Variants in VPS28 observed in about 807,000 individuals in gnomAD.
VPS28 encodes VPS28 subunit of ESCRT-I.
In VPS28, 29 loss-of-function variants were observed where a neutral mutation model predicts 33.7. That is an observed-to-expected ratio of 0.86 (90% confidence interval 0.64 to 1.17). The LOEUF (loss-of-function observed/expected upper bound fraction) is 1.17. Among genes scored for constraint, VPS28 ranks in the 50% most tolerant of loss-of-function variants. The pLI, the probability that VPS28 is intolerant of heterozygous loss-of-function variation, is 0.00. For synonymous variants in VPS28, 164 were observed against 116.7 expected (o/e 1.40, Z -2.61); for missense variants, 247 against 312.2 (o/e 0.79, Z 1.57).
Position 144,424,254 on chromosome 8 carries a change from G to A in VPS28, c.417C>T (p.Val139=). The change falls in exon 8 of 10, where the codon GTC becomes GTT. Residue 139 remains valine (V), a synonymous_variant. Transcript: ENST00000292510. ...GGATCTCCAGACGCAGCTTGTCCAT[G>A]ACCGTGATGAAGAGCTGGGGGCAGG... ...IADVVSLFIT[V]MDKLRLEIRA... The A allele has an allele frequency of 2.5e-6, 4 of 1,605,390 alleles. No homozygotes were observed. The highest frequency in any genetic ancestry group is 1.1e-5 in the South Asian group (1 of 90,384).
chr8:144,426,518 A>G (rs1445748428), intron 2 of VPS28: 2 of 433,532 alleles, frequency 4.6e-6, no homozygotes, highest in African/African-American at 4.1e-5. Flanking sequence ...GGACCGCATG[A>G]CAGGCCCAGC....
rs1441036137 is a variant in VPS28, at chr8:144,425,733, T to C, written c.144A>G (p.Thr48=). The C allele has an allele frequency of 1.9e-6, 3 of 1,613,784 alleles. No homozygotes were observed. Among genetic ancestry groups the C allele is most frequent in the Non-Finnish European group, 2.5e-6 (3 of 1,179,920 alleles). The change falls in exon 5 of 10, where the codon ACA becomes ACG. Residue 48 remains threonine (T), a synonymous_variant. Transcript: ENST00000292510. Reference sequence around the variant, plus strand: ...TGTAGGCCTTCTCCAGGGCTTGCATTGTCTTCACCACCGCAAACAGCTCTG... The same window carrying C: ...TGTAGGCCTTCTCCAGGGCTTGCATCGTCTTCACCACCGCAAACAGCTCTG... ...NMAELFAVVK[T]MQALEKAYIK...
chr8:144,426,051 AC>A lies in VPS28; in HGVS notation c.78del (p.Leu26PhefsTer21). Reference protein sequence around the residue: ...NKPELYEEVKLYKNAREREKY... With the variant: ...NKPELYEEVKXYKNAREREKY... The stretch of plus-strand genomic sequence containing the variant: ...TTCTCCCTCTCCCGGGCGTTCTTGT[AC>A]AACTTCACTTCCTGCCGGAGAGAGC... On this transcript the variant is annotated frameshift_variant, in exon 4 of 10. Transcript: ENST00000292510. LOFTEE classifies it high-confidence loss of function. The A allele has an allele frequency of 6.5e-7, 1 of 1,539,074 alleles. No individual in the cohort carries two copies. The highest frequency in any genetic ancestry group is 8.8e-7 in the Non-Finnish European group (1 of 1,137,130).
In VPS28 at chr8:144,423,817, G is replaced by A. The variant is rs1317801785; in HGVS notation, c.654C>T (p.Phe218=). 1 of 1,613,142 alleles carries A rather than the reference G, an allele frequency of 6.2e-7. No homozygotes were observed. The change falls in exon 10 of 10, where the codon TTC becomes TTT. Residue 218 remains phenylalanine (F), a synonymous_variant. Coordinates refer to ENST00000292510, the MANE Select transcript of VPS28 (RefSeq NM_016208.4). Reference sequence around the variant, plus strand: ...TAGTGCCCCGGGCTCAGGCATGCAGGAAGCGGTTGAAGGCGTTGTAGGCTG... The same window carrying A: ...TAGTGCCCCGGGCTCAGGCATGCAGAAAGCGGTTGAAGGCGTTGTAGGCTG... ...LESAYNAFNR[F]LHA
intron 7 of VPS28, 110 bp downstream of exon 7, chr8:144,424,608 G>C: frequency 8.0e-7 from 1 of 1,243,248 alleles, no homozygotes; most frequent in South Asian, 1.3e-5. Context: ...CTTCTGCCCA[G>C]CAAGTCAGAG....
rs782584938 is a variant in VPS28, at chr8:144,424,257, C to G, written c.414G>C (p.Thr138=). Residue 138 remains threonine, a synonymous_variant, in exon 8 of 10, where the codon ACG becomes ACC. Transcript: ENST00000292510. ...CIADVVSLFI[T]VMDKLRLEIR... ...TCTCCAGACGCAGCTTGTCCATGAC[C>G]GTGATGAAGAGCTGGGGGCAGGTGT... 6 of 1,604,710 alleles carry G rather than the reference C, an allele frequency of 3.7e-6. No individual in the cohort carries two copies. Among genetic ancestry groups the G allele is most frequent in the Non-Finnish European group, 5.1e-6 (6 of 1,174,502 alleles).
In VPS28 at chr8:144,426,933, TC is replaced by T; in HGVS notation, c.12del (p.Ile5SerfsTer7). The T allele has an allele frequency of 6.2e-7, 1 of 1,612,476 alleles. No homozygotes were observed. Among genetic ancestry groups the T allele is most frequent in the Non-Finnish European group, 8.5e-7 (1 of 1,179,736 alleles). On this transcript the variant is annotated frameshift_variant, in exon 2 of 10. Transcript: ENST00000292510. LOFTEE classifies it high-confidence loss of function. ...CCTCCTATGCCCGGCGTGGCTGGGA[TC>T]CCATGAAACATCCTCTAGGCTCTGG... MFH[G>X]IPATPGIGAP...
intron 1 of VPS28, among the ~76,000 whole-genome samples, chr8:144,427,564 T>C (rs2130824759): frequency 6.6e-6 from 1 of 151,560 alleles, no homozygotes; most frequent in African/African-American, 2.4e-5. Context: ...ACGAGGAGAG[T>C]TTGGGGCACA....
chr8:144,423,722 G>T lies in VPS28; in HGVS notation c.*83C>A. ...GCTGCAGACAGTGAGTTGTGTGGAT[G>T]ACCACGGCCTGTGTGGCGGACAGGG... On this transcript the variant is annotated 3_prime_UTR_variant, in exon 10 of 10. Transcript: ENST00000292510. The T allele has an allele frequency of 1.9e-6, 3 of 1,552,436 alleles. No individual in the cohort carries two copies. In the South Asian group the frequency reaches 3.4e-5, roughly 18 times the overall value.
intron 5 of VPS28, 54 bp downstream of exon 5, chr8:144,425,629 G>C (rs1822676795): frequency 6.3e-7 from 1 of 1,589,394 alleles, no homozygotes; most frequent in Admixed American, 1.7e-5. Context: ...GCTGCCTATG[G>C]AGCACCCAAG....
intron 5 of VPS28, chr8:144,425,298 C>T (rs141354020): frequency 1.7e-5 from 10 of 587,786 alleles, no homozygotes; most frequent in Non-Finnish European, 2.4e-5. Flanking sequence ...TGAACCACAG[C>T]GACCAGCCCT....
chr8:144,427,743 G>C (rs1554877210), intron 1 of VPS28, among the ~76,000 whole-genome samples: 1 of 152,260 alleles, frequency 6.6e-6, no homozygotes, highest in Non-Finnish European at 1.5e-5. Context: ...GCCCGTGGGA[G>C]GGTCCTGCCT....
At chr8:144,426,124 G>T in intron 3 of VPS28, 56 bp downstream of exon 3, 1 of 1,579,654 alleles carries the variant, frequency 6.3e-7, no homozygotes, top group Non-Finnish European at 8.6e-7. Flanking sequence ...CCCTGGTGAG[G>T]CCACACAGGC....
chr8:144,426,327 C>G (rs1294116312), intron 2 of VPS28, 119 bp from the exon 3 acceptor site: 1 of 1,345,902 alleles, frequency 7.4e-7, no homozygotes, highest in African/African-American at 1.5e-5. Context: ...CCCAAAGAGC[C>G]CAGAGGGAGC....
Position 144,425,748 on chromosome 8 carries a change from A to G in VPS28, c.129T>C (p.Phe43=). 6.2e-7 allele frequency: 1 copy of G among 1,613,914 alleles called. No individual in the cohort carries two copies. The highest frequency in any genetic ancestry group is 1.3e-5 in the African/African-American group (1 of 75,030). ...GGGCTTGCATTGTCTTCACCACCGC[A>G]AACAGCTCTGCCATGTTGTCGTACC... ...REKYDNMAEL[F]AVVKTMQALE... The change falls in exon 5 of 10, where the codon TTT becomes TTC. Residue 43 remains phenylalanine, a synonymous_variant. Transcript: ENST00000292510.
chr8:144,426,236 G>C (rs1554876761), intron 2 of VPS28, 28 bp from the exon 3 acceptor site: 1 of 1,583,206 alleles, frequency 6.3e-7, no homozygotes, highest in African/African-American at 1.3e-5. Context: ...GAGCTGGCAG[G>C]CTGGCCCCAA....
intron 5 of VPS28, chr8:144,425,389 C>T: frequency 1.8e-6 from 1 of 566,934 alleles, no homozygotes; most frequent in Non-Finnish European, 3.2e-6. Context: ...AACAAAGCCC[C>T]CCCAAAAGAT....
intron 9 of VPS28, 52 bp from the exon 10 acceptor site, chr8:144,423,974 G>A (rs764046750): frequency 2.9e-5 from 46 of 1,610,928 alleles, no homozygotes; most frequent in South Asian, 2.5e-4. Context: ...GGGGCACTGC[G>A]GGGCTCCGCC....
At chr8:144,425,801 GC>G in intron 4 of VPS28, 29 bp from the exon 5 acceptor site, 1 of 1,613,118 alleles carries the variant, frequency 6.2e-7, no homozygotes. Flanking sequence ...ATCGGGCCAG[GC>G]CCCGGGGTGC....
Sources: allele counts gnomAD v4.1 joint callset (sites outside exome capture counted in the v4.1 genomes callset), GRCh38; gene constraint gnomAD v4.1.1; transcripts MANE v1.5; gene names NCBI Gene and HGNC (gene_info 2026-07-23, HGNC 2026-07-21).